The following ZNF682 variants were observed in gnomAD, a reference collection of about 807,000 sequenced individuals.
The protein encoded by ZNF682 is zinc finger protein 682.
A neutral mutation model predicts 36.5 loss-of-function variants in ZNF682; 29 were observed. That is an observed-to-expected ratio of 0.80 (90% CI 0.59 to 1.08). The LOEUF is 1.08. ZNF682 is among the 50% of genes least tolerant of loss of function. ZNF682 has a pLI of 0.00. For synonymous variants in ZNF682, 180 were observed against 197.0 expected, an observed-to-expected ratio of 0.91 and a Z score of 0.72; for missense variants, 561 against 579.7, an observed-to-expected ratio of 0.97 and a Z score of 0.33.
chr19:19,999,597 C>T (rs746822202), downstream of ZNF682, among the ~76,000 whole-genome samples: 12 of 151,828 alleles, frequency 7.9e-5, no homozygotes, highest in Non-Finnish European at 1.2e-4. Flanking sequence ...TGCAATGGCA[C>T]GATCTCGGCT....
intron 3 of ZNF682, among the ~76,000 whole-genome samples, chr19:20,020,275 A>G (rs961578241): frequency 5.3e-5 from 8 of 152,080 alleles, no homozygotes; most frequent in Non-Finnish European, 1.2e-4. Flanking sequence ...AGGCAGGCGG[A>G]TCACGAGGTC....
chr19:20,008,323 C>T (rs922464846), intron 3 of ZNF682: 8 of 152,262 alleles, frequency 5.3e-5, no homozygotes, highest in African/African-American at 1.9e-4. Context: ...TCTGGAAGAA[C>T]TCAGCAATTT....
chr19:20,019,440 C>T (rs763825426), intron 3 of ZNF682, among the ~76,000 whole-genome samples: 1 of 151,924 alleles, frequency 6.6e-6, no homozygotes, highest in Non-Finnish European at 1.5e-5. Context: ...GGTATGACAC[C>T]AAAAGCACAG....
chr19:20,036,803 T>TAAAA (rs71340312), intron 1 of ZNF682, among the ~76,000 whole-genome samples: 4 of 29,536 alleles, frequency 1.4e-4, no homozygotes, highest in Non-Finnish European at 2.4e-4. Flanking sequence ...GCTGTCTCTA[T>TAAAA]AAAAAAAAAA....
intron 3 of ZNF682, chr19:19,997,397 G>A (rs1362360037): frequency 2.5e-6 from 1 of 396,098 alleles, no homozygotes; most frequent in Non-Finnish European, 4.4e-6. Context: ...ATAAGTGTCT[G>A]CTGGCCTTTG....
chr19:20,039,332 GGC>G lies in ZNF682; in HGVS notation c.3+9_3+10del, dbSNP rs747213550. The G allele has an allele frequency of 5.0e-6, 8 of 1,612,380 alleles. No homozygotes were observed. Among genetic ancestry groups the G allele is most frequent in the Non-Finnish European group, 6.8e-6 (8 of 1,179,940 alleles). ...GCCCCCACCTCGGGATGCGCGGCCT[GGC>G]ACACTCACCATTTTTCGGCTTCCGG... On this transcript the variant is annotated intron_variant, in intron 1 of 3. Transcript: ENST00000397165.
intron 3 of ZNF682, chr19:20,015,179 A>G: frequency 2.0e-6 from 2 of 984,878 alleles, no homozygotes; most frequent in Non-Finnish European, 2.4e-6. Context: ...AATTACCTTC[A>G]AATCACAAGT....
Position 20,006,965 on chromosome 19 carries a change from G to A in ZNF682, c.537C>T (p.Gly179=). ...TEKLFKCMQC[G]KVFKSHSGLS... ...GGCCTGAGTGAGATTTAAAGACTTTGCCACATTGCATACATTTGAAAAGTT... is the reference window on the plus strand; with the variant it reads ...GGCCTGAGTGAGATTTAAAGACTTTACCACATTGCATACATTTGAAAAGTT... The change falls in exon 4 of 4, where the codon GGC becomes GGT. Residue 179 remains glycine, a synonymous_variant. Transcript: ENST00000397165. The A allele has an allele frequency of 6.2e-7, 1 of 1,612,950 alleles. No homozygotes were observed. The highest frequency in any genetic ancestry group is 8.5e-7 in the Non-Finnish European group (1 of 1,179,256).
At chr19:20,016,002 G>T (rs191521814) in intron 3 of ZNF682, among the ~76,000 whole-genome samples, 1 of 152,106 alleles carries the variant, frequency 6.6e-6, no homozygotes, top group African/African-American at 2.4e-5. Context: ...AGCTTTTTAC[G>T]TGCAGGCAAC....
At chr19:19,998,535 C>T (rs1016770671) in intron 3 of ZNF682, among the ~76,000 whole-genome samples, 2 of 152,190 alleles carry the variant, frequency 1.3e-5, no homozygotes, top group African/African-American at 4.8e-5. Context: ...TACTATCTCA[C>T]AATTTGTGGG....
intron 3 of ZNF682, chr19:20,015,961 C>T (rs79470467): frequency 7.8e-6 from 3 of 382,254 alleles, no homozygotes; most frequent in East Asian, 3.7e-5. Flanking sequence ...TTCAGATAAA[C>T]GTTGAGGAAT....
chr19:20,021,085 T>G (rs1293028375), intron 3 of ZNF682, among the ~76,000 whole-genome samples: 1 of 152,118 alleles, frequency 6.6e-6, no homozygotes, highest in African/African-American at 2.4e-5. Flanking sequence ...GGGCCACGCA[T>G]AAAATACACT....
chr19:19,999,988 C>A (rs1050290151), downstream of ZNF682, among the ~76,000 whole-genome samples: 1 of 152,176 alleles, frequency 6.6e-6, no homozygotes, highest in Admixed American at 6.5e-5. Context: ...GTAAGATAAA[C>A]AAGGTTCTGA....
chr19:20,027,551 G>C (rs1365322716), intron 1 of ZNF682, among the ~76,000 whole-genome samples: 1 of 152,144 alleles, frequency 6.6e-6, no homozygotes, highest in African/African-American at 2.4e-5. Context: ...TCTGAGATCG[G>C]GAGTTTGTGA....
chr19:20,038,362 T>C (rs143365029), intron 1 of ZNF682, among the ~76,000 whole-genome samples: 11 of 152,166 alleles, frequency 7.2e-5, no homozygotes, highest in Middle Eastern at 3.4e-3. Context: ...GTCTGAAATG[T>C]ACAAAAAAGG....
chr19:19,999,755 G>A (rs142666243), downstream of ZNF682, among the ~76,000 whole-genome samples: 255 of 152,164 alleles, frequency 1.7e-3, 1 homozygote, highest in African/African-American at 5.9e-3. Context: ...GGCTGGTATC[G>A]AACTCCTGGC....
At chr19:19,996,939 A>G (rs2088131850), downstream of ZNF682, 8 of 315,012 alleles carry the variant, frequency 2.5e-5, no homozygotes, top group East Asian at 3.9e-4. Flanking sequence ...CTCCTTCTCC[A>G]CATGGGCTAT....
chr19:20,018,132 C>T (rs1316609982), intron 3 of ZNF682, among the ~76,000 whole-genome samples: 9 of 122,202 alleles, frequency 7.4e-5, no homozygotes, highest in African/African-American at 2.4e-4. Flanking sequence ...CTCGCTCTGT[C>T]GCCCAGGCTG....
At chr19:20,032,366 C>A (rs1018070211) in intron 1 of ZNF682, among the ~76,000 whole-genome samples, 5 of 152,088 alleles carry the variant, frequency 3.3e-5, no homozygotes, top group African/African-American at 1.2e-4. Flanking sequence ...TTTGAAGATG[C>A]CAGGGACATT....
Sources: allele counts gnomAD v4.1 joint callset (sites outside exome capture counted in the v4.1 genomes callset), GRCh38; gene constraint gnomAD v4.1.1; transcripts MANE v1.5; gene names NCBI Gene and HGNC (gene_info 2026-07-23, HGNC 2026-07-21).